EYS: variants seen among roughly 807,000 people sequenced by gnomAD.
EYS encodes the protein protein eyes shut homolog.
A neutral mutation model predicts 282.1 loss-of-function variants in EYS; 250 were observed. The observed-to-expected ratio is 0.89, with a 90% CI of 0.80 to 0.98. The LOEUF is 0.98. Ranked by LOEUF, EYS falls within the 50% of genes least tolerant of loss-of-function variation. The probability of loss-of-function intolerance (pLI) is 0.00; values close to 1 mark genes in which losing one functional copy is unlikely to be tolerated. For synonymous variants in EYS, 1,355 were observed against 1,282.9 expected (o/e 1.06, Z -1.20); for missense variants, 4,016 against 3,709.0 (o/e 1.08, Z -2.15).
intron 33 of EYS, among the ~76,000 whole-genome samples, chr6:64,046,819 C>T (rs896779164): frequency 3.3e-5 from 5 of 152,186 alleles, no homozygotes; most frequent in Non-Finnish European, 7.3e-5. Context: ...ACCTCCAGAT[C>T]CTCCCCTAGG....
chr6:64,937,034 T>A (rs556745297), intron 15 of EYS, among the ~76,000 whole-genome samples: 3 of 151,530 alleles, frequency 2.0e-5, no homozygotes, highest in Non-Finnish European at 4.4e-5. Flanking sequence ...ACCAAGATAA[T>A]TTAATATGGA....
chr6:64,128,694 C>T (rs1773866505), intron 31 of EYS, among the ~76,000 whole-genome samples: 1 of 152,130 alleles, frequency 6.6e-6, no homozygotes. Flanking sequence ...ATAGCTCATT[C>T]AGCAATGTTC....
intron 30 of EYS, among the ~76,000 whole-genome samples, chr6:64,232,613 A>G (rs1766459646): frequency 6.6e-6 from 1 of 151,886 alleles, no homozygotes; most frequent in Non-Finnish European, 1.5e-5. Context: ...CTGGTCTCGA[A>G]CTCCTGGCCT....
intron 22 of EYS, among the ~76,000 whole-genome samples, chr6:64,763,501 T>A (rs1195310072): frequency 1.3e-5 from 2 of 152,028 alleles, no homozygotes; most frequent in African/African-American, 2.4e-5. Context: ...TCCAATCACC[T>A]CCCACCAAGT....
intron 26 of EYS, among the ~76,000 whole-genome samples, chr6:64,441,114 G>A (rs954327394): frequency 3.3e-5 from 5 of 152,134 alleles, no homozygotes; most frequent in African/African-American, 9.7e-5. Flanking sequence ...CAGTTTACAA[G>A]TGAAAAACTT....
At position 65,296,985 on chromosome 6, in the gene EYS, C is replaced by T. The variant is rs202082868; in HGVS notation, c.1767-866G>A. ...CTTTTTCCTTCCTTTCAAATACAGA[C>T]GTGCACAGAAACACACACACATCTG... On this transcript the variant is annotated intron_variant, in intron 11 of 42. Transcript: ENST00000503581. 1.4e-4 allele frequency among the ~76,000 whole-genome samples: 21 copies of T among 151,778 alleles called. No homozygotes were observed. The East Asian group carries it at 3.1e-3, about 22-fold the overall frequency.
At chr6:64,577,263 C>T (rs950838276) in intron 26 of EYS, among the ~76,000 whole-genome samples, 1 of 152,062 alleles carries the variant, frequency 6.6e-6, no homozygotes, top group Admixed American at 6.6e-5. Flanking sequence ...TAATATGTTA[C>T]ATTGTTCATC....
At chr6:63,819,807 A>T (rs1424520144) in intron 36 of EYS, among the ~76,000 whole-genome samples, 1 of 152,190 alleles carries the variant, frequency 6.6e-6, no homozygotes, top group African/African-American at 2.4e-5. Flanking sequence ...CTAGTAGGGA[A>T]AGAAAATCCA....
chr6:64,576,516 G>A (rs1459381322), intron 26 of EYS, among the ~76,000 whole-genome samples: 1 of 151,998 alleles, frequency 6.6e-6, no homozygotes, highest in Non-Finnish European at 1.5e-5. Context: ...CATGTTGAGA[G>A]TGTCTTTGTT....
At chr6:65,403,635 A>G (rs971933696) in intron 6 of EYS, among the ~76,000 whole-genome samples, 72 of 152,132 alleles carry the variant, frequency 4.7e-4, no homozygotes, top group African/African-American at 1.7e-3. Context: ...ACAATTTTCC[A>G]AGTAATTTAT....
At chr6:65,695,635 ATTTTTT>A (rs71815460) in intron 1 of EYS, among the ~76,000 whole-genome samples, 1 of 122,354 alleles carries the variant, frequency 8.2e-6, no homozygotes, top group East Asian at 2.9e-4. Context: ...AATCATTGTT[ATTTTTT>A]TTTTTACTTT....
intron 33 of EYS, among the ~76,000 whole-genome samples, chr6:64,020,650 T>A (rs1562155184): frequency 6.6e-6 from 1 of 152,074 alleles, no homozygotes; most frequent in African/African-American, 2.4e-5. Flanking sequence ...TTATTTTGGG[T>A]GATTTTTGGG....
At chr6:64,683,821 G>A (rs73440853) in intron 22 of EYS, among the ~76,000 whole-genome samples, 1 of 152,146 alleles carries the variant, frequency 6.6e-6, no homozygotes, top group Non-Finnish European at 1.5e-5. Context: ...AATTCCACTA[G>A]GGTTGGGACC....
chr6:65,609,267 T>C (rs1241695551), intron 2 of EYS, among the ~76,000 whole-genome samples: 1 of 150,880 alleles, frequency 6.6e-6, no homozygotes, highest in African/African-American at 2.4e-5. Context: ...AGGACCACCT[T>C]AGTATATGTG....
At chr6:63,756,817 A>G (rs776845500) in intron 41 of EYS, among the ~76,000 whole-genome samples, 3 of 152,196 alleles carry the variant, frequency 2.0e-5, no homozygotes, top group Non-Finnish European at 4.4e-5. Flanking sequence ...CTGAACATAA[A>G]TTATGAAGGT....
intron 12 of EYS, among the ~76,000 whole-genome samples, chr6:65,108,740 T>A (rs552112427): frequency 6.6e-6 from 1 of 152,182 alleles, no homozygotes; most frequent in Non-Finnish European, 1.5e-5. Context: ...TTCATTAAAT[T>A]TGGGAAAGTC....
At chr6:65,544,770 T>G (rs1023956329) in intron 2 of EYS, among the ~76,000 whole-genome samples, 4 of 152,128 alleles carry the variant, frequency 2.6e-5, no homozygotes, top group Non-Finnish European at 5.9e-5. Flanking sequence ...AAATGTGAAA[T>G]TTCATGCCAG....
At chr6:63,770,095 T>C (rs1769893431) in intron 40 of EYS, among the ~76,000 whole-genome samples, 2 of 152,052 alleles carry the variant, frequency 1.3e-5, no homozygotes, top group African/African-American at 4.8e-5. Context: ...ATATAAAATA[T>C]AATATTCAGT....
At position 64,581,363 on chromosome 6, in the gene EYS, T is replaced by G. The variant is rs1001173162; in HGVS notation, c.5644+8860A>C. Among the ~76,000 whole-genome samples, 4 of 152,070 alleles carry G rather than the reference T, an allele frequency of 2.6e-5. No individual in the cohort carries two copies. In the East Asian group the frequency reaches 5.8e-4, roughly 22 times the overall value. Reference sequence around the variant, plus strand: ...TACATACAAAATGTTCTGGGCTGAGTTGAAAATGAAAATCAGAACCATTTG... The same window carrying G: ...TACATACAAAATGTTCTGGGCTGAGGTGAAAATGAAAATCAGAACCATTTG... On this transcript the variant is annotated intron_variant, in intron 26 of 42. Transcript: ENST00000503581.
Sources: allele counts gnomAD v4.1 joint callset (sites outside exome capture counted in the v4.1 genomes callset), GRCh38; gene constraint gnomAD v4.1.1; transcripts MANE v1.5; gene names NCBI Gene and HGNC (gene_info 2026-07-23, HGNC 2026-07-21).